MMD2: variants seen among roughly 807,000 people sequenced by gnomAD.
MMD2 encodes monocyte to macrophage differentiation associated 2.
MMD2 carries 30 observed loss-of-function variants against 33.5 expected under a neutral mutation model. The ratio of observed to expected loss-of-function variants is 0.90; its 90% confidence interval spans 0.67 to 1.22. The LOEUF is 1.22. MMD2 is among the 50% of genes most tolerant of loss of function. The probability of loss-of-function intolerance (pLI) is 0.00; values close to 1 mark genes in which losing one functional copy is unlikely to be tolerated. For missense variants in MMD2, 364 were observed against 325.4 expected (o/e 1.12, Z -0.91); for synonymous variants, 129 against 123.0 (o/e 1.05, Z -0.32).
intron 1 of MMD2, among the ~76,000 whole-genome samples, chr7:4,945,212 C>CTTCTTCTTCTTT (rs1312021253): frequency 7.0e-6 from 1 of 142,500 alleles, no homozygotes; most frequent in African/African-American, 2.6e-5. Context: ...TCTTCTTCTT[C>CTTCTTCTTCTTT]TTCTTCTTCT....
Position 4,907,145 on chromosome 7 carries a change from G to A in MMD2, c.*251C>T, listed in dbSNP as rs1004420556. On this transcript the variant is annotated 3_prime_UTR_variant, in exon 7 of 7. Coordinates refer to ENST00000401401, the MANE Select transcript of MMD2 (RefSeq NM_198403.4). ...TTTTCTGAAGATGTTAATGTTGCTT[G>A]TATTAGGAAACACTCATCTAAAATA... 6.1e-6 allele frequency: 3 copies of A among 492,380 alleles called. No homozygotes were observed. The highest frequency in any genetic ancestry group is 1.1e-5 in the Non-Finnish European group (3 of 271,532). 30.5% of individuals were successfully genotyped at this position (492,380 alleles called of 1,614,324 possible). A position where few individuals can be genotyped will look rare whatever the true frequency, so the allele number is the denominator to read the frequency against.
intron 1 of MMD2, among the ~76,000 whole-genome samples, chr7:4,948,343 G>T (rs1346589023): frequency 6.6e-6 from 1 of 151,960 alleles, no homozygotes; most frequent in Non-Finnish European, 1.5e-5. Flanking sequence ...CCTTGGGGGG[G>T]ATCCCCATCT....
At position 4,925,536 on chromosome 7, in the gene MMD2, G is replaced by A; in HGVS notation, c.48-4C>T. The A allele has an allele frequency of 6.4e-7, 1 of 1,562,902 alleles. No homozygotes were observed. ...AGGGACTCGGTGGTTCATGAACCTG[G>A]AAGGAGAGGGAGAATTCCAGGAAGC... On this transcript the variant is annotated splice_region_variant and splice_polypyrimidine_tract_variant and intron_variant, in intron 1 of 6. Transcript: ENST00000401401.
At chr7:4,939,750 T>C (rs947881728) in intron 1 of MMD2, among the ~76,000 whole-genome samples, 127 of 151,674 alleles carry the variant, frequency 8.4e-4, no homozygotes, top group Non-Finnish European at 1.2e-3. Context: ...TTCTTTTTTT[T>C]TTTTTTTTGA....
intron 4 of MMD2, among the ~76,000 whole-genome samples, chr7:4,912,778 T>A (rs1785048497): frequency 6.6e-6 from 1 of 152,016 alleles, no homozygotes; most frequent in African/African-American, 2.4e-5. Context: ...CAATCTCAGC[T>A]CACTGCACCC....
At chr7:4,926,552 C>T (rs1396736647) in intron 1 of MMD2, among the ~76,000 whole-genome samples, 1 of 152,000 alleles carries the variant, frequency 6.6e-6, no homozygotes, top group African/African-American at 2.4e-5. Flanking sequence ...CCCAGTGCCC[C>T]CTCCCATGGG....
chr7:4,942,284 T>TTGGG lies in MMD2; in HGVS notation c.47+16686_47+16687insCCCA, dbSNP rs1554273046. Among the ~76,000 whole-genome samples, 531 of 149,022 alleles carry TTGGG rather than the reference T, an allele frequency of 3.6e-3. 1 individual carries two copies. Among genetic ancestry groups the TTGGG allele is most frequent in the African/African-American group, 0.012 (490 of 39,456 alleles). ...TTTATTTTTATTTTTTCTGTAGAGA[T>TTGGG]GGGGGGGGTCTTGCCATGTTGCCCA... On this transcript the variant is annotated intron_variant, in intron 1 of 6. Transcript: ENST00000401401.
chr7:4,951,513 C>T (rs1270484228), intron 1 of MMD2, among the ~76,000 whole-genome samples: 1 of 152,120 alleles, frequency 6.6e-6, no homozygotes, highest in Admixed American at 6.6e-5. Context: ...GAAGAGCCCA[C>T]TTACATGCTG....
chr7:4,944,075 C>T lies in MMD2; in HGVS notation c.47+14896G>A, dbSNP rs1304816827. 2.0e-5 allele frequency among the ~76,000 whole-genome samples: 3 copies of T among 151,690 alleles called. No individual in the cohort carries two copies. The East Asian group carries it at 5.9e-4, about 30-fold the overall frequency. ...CAGCCTCCCAAGTAGCTGGGGACTA[C>T]AGGTGCACACTACCACATCCAACAC... On this transcript the variant is annotated intron_variant, in intron 1 of 6. Coordinates refer to ENST00000401401, the MANE Select transcript of MMD2 (RefSeq NM_198403.4).
chr7:4,936,632 A>G (rs1286063921), intron 1 of MMD2, among the ~76,000 whole-genome samples: 1 of 152,158 alleles, frequency 6.6e-6, no homozygotes, highest in Non-Finnish European at 1.5e-5. Context: ...GGCTAAAGCA[A>G]TCCTCCTGCC....
chr7:4,938,341 G>A (rs1037253181), intron 1 of MMD2, among the ~76,000 whole-genome samples: 1 of 151,966 alleles, frequency 6.6e-6, no homozygotes, highest in African/African-American at 2.4e-5. Context: ...TCTTTAGGCT[G>A]GGAAGTCCAG....
intron 1 of MMD2, among the ~76,000 whole-genome samples, chr7:4,943,171 C>T (rs1308935160): frequency 2.6e-5 from 4 of 151,530 alleles, no homozygotes; most frequent in East Asian, 1.9e-4. Flanking sequence ...CACCACGCCC[C>T]GCTAATTTTT....
At chr7:4,912,791 C>A (rs893459424) in intron 4 of MMD2, among the ~76,000 whole-genome samples, 1 of 151,988 alleles carries the variant, frequency 6.6e-6, no homozygotes, top group East Asian at 1.9e-4. Flanking sequence ...CTGCACCCTT[C>A]GCCTCCCGGG....
chr7:4,924,312 T>C (rs1785366947), intron 2 of MMD2, among the ~76,000 whole-genome samples: 1 of 152,252 alleles, frequency 6.6e-6, no homozygotes, highest in Admixed American at 6.5e-5. Flanking sequence ...TGGCCCATTG[T>C]TAAAGGCCTG....
intron 2 of MMD2, among the ~76,000 whole-genome samples, chr7:4,920,950 T>C (rs1730863041): frequency 6.6e-6 from 1 of 152,116 alleles, no homozygotes; most frequent in Admixed American, 6.6e-5. Flanking sequence ...ACTCCTGACC[T>C]CAGGCTATCC....
At chr7:4,922,213 G>C (rs924578484) in intron 2 of MMD2, among the ~76,000 whole-genome samples, 5 of 151,950 alleles carry the variant, frequency 3.3e-5, no homozygotes, top group African/African-American at 1.2e-4. Context: ...GTGACAGAGA[G>C]AGATTCCATC....
rs1784874747 is a variant in MMD2, at chr7:4,906,714, G to C, written c.*682C>G. The stretch of plus-strand genomic sequence containing the variant: ...AAAGGGAGGGGGAGATGAGGAGATA[G>C]GCATGCAAATGCCCATTTGGAGATT... On this transcript the variant is annotated 3_prime_UTR_variant, in exon 7 of 7. Transcript: ENST00000401401. The C allele has an allele frequency of 1.0e-5, 4 of 396,168 alleles. No homozygotes were observed. Among genetic ancestry groups the C allele is most frequent in the Non-Finnish European group, 1.8e-5 (4 of 225,042 alleles). 24.5% of individuals were successfully genotyped at this position (396,168 alleles called of 1,614,324 possible).
In MMD2 at chr7:4,946,069, T is replaced by TCACACGCACG. The variant is rs760649790; in HGVS notation, c.47+12892_47+12901dup. Among the ~76,000 whole-genome samples the TCACACGCACG allele has an allele frequency of 6.6e-6, 1 of 151,404 alleles. No homozygotes were observed. The highest frequency in any genetic ancestry group is 1.5e-5 in the Non-Finnish European group (1 of 67,848). The stretch of plus-strand genomic sequence containing the variant: ...CCTCTCTGGGGCAAAATGCACACAC[T>TCACACGCACG]CACACGCACGCACACGCACGCACAC... On this transcript the variant is annotated intron_variant, in intron 1 of 6. Transcript: ENST00000401401. This position sits in a 1 kb window ranked among gnomAD's most constrained non-coding sequence, Gnocchi z 5.0.
chr7:4,936,795 C>T (rs147342666), intron 1 of MMD2, among the ~76,000 whole-genome samples: 20,509 of 151,924 alleles, frequency 0.13, 1,686 homozygotes, highest in Admixed American at 0.22. Context: ...AGTGCAATGG[C>T]GCGATCTCAG....
Sources: gnomAD v4.1 joint callset for allele counts (sites outside exome capture counted in the v4.1 genomes callset) on GRCh38, gnomAD v4.1.1 for gene constraint, Gnocchi (gnomAD v3.1) non-coding constraint, MANE v1.5 for transcripts, NCBI Gene and HGNC (gene_info 2026-07-23, HGNC 2026-07-21) for gene names.